ATP6V0D2: variants seen among roughly 807,000 people sequenced by gnomAD.
The protein encoded by ATP6V0D2 is ATPase H+ transporting V0 subunit d2.
In ATP6V0D2, 40 loss-of-function variants were observed where a neutral mutation model predicts 40.0. The ratio of observed to expected loss-of-function variants is 1.00; its 90% CI spans 0.78 to 1.30. The LOEUF (loss-of-function observed/expected upper bound fraction) is 1.30. ATP6V0D2 is among the 50% of genes most tolerant of loss of function. ATP6V0D2 has a pLI of 0.00. For synonymous variants in ATP6V0D2, 179 were observed against 156.3 expected (o/e 1.15, Z -1.08); for missense variants, 470 against 423.1 (o/e 1.11, Z -0.97).
intron 5 of ATP6V0D2, among the ~76,000 whole-genome samples, chr8:86,146,192 G>A (rs1222536901): frequency 5.9e-5 from 9 of 152,114 alleles, no homozygotes; most frequent in Admixed American, 5.9e-4. Flanking sequence ...AATAGGTAAG[G>A]TAAGAATTAC....
At chr8:86,131,504 T>C (rs1818825254) in intron 2 of ATP6V0D2, among the ~76,000 whole-genome samples, 1 of 151,894 alleles carries the variant, frequency 6.6e-6, no homozygotes, top group Non-Finnish European at 1.5e-5. Context: ...CAGCCATTTT[T>C]ATTTATTTAT....
chr8:86,120,401 A>G (rs1818653619), intron 2 of ATP6V0D2, among the ~76,000 whole-genome samples: 1 of 152,040 alleles, frequency 6.6e-6, no homozygotes, highest in Non-Finnish European at 1.5e-5. Context: ...CCTGTCTCAA[A>G]AAAAACCAAA....
At chr8:86,128,394 G>C (rs1818775262) in intron 2 of ATP6V0D2, among the ~76,000 whole-genome samples, 1 of 152,122 alleles carries the variant, frequency 6.6e-6, no homozygotes. Context: ...AAGGGATGTA[G>C]CTCCTGTGAT....
At chr8:86,105,628 T>C (rs1363683547) in intron 1 of ATP6V0D2, among the ~76,000 whole-genome samples, 1 of 145,686 alleles carries the variant, frequency 6.9e-6, no homozygotes, top group African/African-American at 2.5e-5. Flanking sequence ...TTTCTTTTTT[T>C]TTTTTTTTGA....
At chr8:86,150,932 A>T (rs1245065968) in intron 6 of ATP6V0D2, among the ~76,000 whole-genome samples, 1 of 152,216 alleles carries the variant, frequency 6.6e-6, no homozygotes, top group African/African-American at 2.4e-5. Flanking sequence ...AATGACACTC[A>T]TCTTTTCCTC....
intron 2 of ATP6V0D2, among the ~76,000 whole-genome samples, chr8:86,135,580 G>A (rs1818885772): frequency 6.6e-6 from 1 of 152,124 alleles, no homozygotes; most frequent in South Asian, 2.1e-4. Context: ...GAGTGAGAGT[G>A]TGCATATAAT....
At chr8:86,132,522 T>C (rs1306534209) in intron 2 of ATP6V0D2, among the ~76,000 whole-genome samples, 1 of 152,186 alleles carries the variant, frequency 6.6e-6, no homozygotes, top group East Asian at 1.9e-4. Flanking sequence ...GTCATTCTAC[T>C]CATTACCTTT....
chr8:86,099,846 T>C (rs1285358561), intron 1 of ATP6V0D2, among the ~76,000 whole-genome samples: 1 of 152,202 alleles, frequency 6.6e-6, no homozygotes, highest in Non-Finnish European at 1.5e-5. Flanking sequence ...AAATATTTGG[T>C]TTCCTTTATA....
intron 1 of ATP6V0D2, among the ~76,000 whole-genome samples, chr8:86,105,214 G>T (rs1187739415): frequency 6.6e-6 from 1 of 152,166 alleles, no homozygotes; most frequent in Non-Finnish European, 1.5e-5. Flanking sequence ...CATTTGCCTC[G>T]TTTGTCTATC....
chr8:86,113,214 C>T (rs1040235953), intron 1 of ATP6V0D2, among the ~76,000 whole-genome samples: 12 of 151,852 alleles, frequency 7.9e-5, no homozygotes, highest in South Asian at 2.1e-4. Context: ...CACAGTGGCT[C>T]CTGCCTGTAA....
chr8:86,117,648 A>G (rs916612115), intron 2 of ATP6V0D2, among the ~76,000 whole-genome samples: 3 of 152,244 alleles, frequency 2.0e-5, no homozygotes, highest in Admixed American at 2.0e-4. Context: ...ATTCACAAAT[A>G]TACATACAGC....
intron 7 of ATP6V0D2, among the ~76,000 whole-genome samples, chr8:86,151,751 C>CTTTTTTTTTTTTTTTTTTTTTT (rs1563568384): frequency 1.1e-5 from 1 of 89,052 alleles, no homozygotes. Context: ...TGTAGCTTTT[C>CTTTTTTTTTTTTTTTTTTTTTT]TTTCTTTTTT....
At chr8:86,100,496 T>C (rs1362689204) in intron 1 of ATP6V0D2, among the ~76,000 whole-genome samples, 2 of 152,172 alleles carry the variant, frequency 1.3e-5, no homozygotes, top group African/African-American at 4.8e-5. Flanking sequence ...GCCACTTGTT[T>C]ATAGTTCTGA....
At chr8:86,126,262 A>ATATATATATATATATTTTT (rs1191399026) in intron 2 of ATP6V0D2, among the ~76,000 whole-genome samples, 2 of 131,336 alleles carry the variant, frequency 1.5e-5, no homozygotes, top group Admixed American at 1.5e-4. Context: ...ATATATATAT[A>ATATATATATATATATTTTT]TCTTTTTGTA....
chr8:86,131,864 C>G (rs910718205), intron 2 of ATP6V0D2, among the ~76,000 whole-genome samples: 1 of 150,846 alleles, frequency 6.6e-6, no homozygotes, highest in African/African-American at 2.5e-5. Context: ...TAAAACCTAT[C>G]TTAGTGAATA....
intron 7 of ATP6V0D2, among the ~76,000 whole-genome samples, chr8:86,151,968 A>G (rs575228452): frequency 2.2e-4 from 34 of 152,068 alleles, no homozygotes; most frequent in Non-Finnish European, 4.1e-4. Flanking sequence ...ATACATGTGC[A>G]GAATGTGCAG....
intron 1 of ATP6V0D2, among the ~76,000 whole-genome samples, chr8:86,099,310 G>A (rs1818361701): frequency 6.6e-6 from 1 of 152,054 alleles, no homozygotes. Context: ...ATCTCTAAGT[G>A]AACTATAACA....
chr8:86,148,126 CTGAG>C (rs1012764280), intron 5 of ATP6V0D2, among the ~76,000 whole-genome samples: 2 of 152,174 alleles, frequency 1.3e-5, no homozygotes, highest in Non-Finnish European at 2.9e-5. Flanking sequence ...ATTTTAGAAT[CTGAG>C]AGCACATTAA....
At chr8:86,120,715 A>G (rs796964924) in intron 2 of ATP6V0D2, among the ~76,000 whole-genome samples, 8 of 152,300 alleles carry the variant, frequency 5.3e-5, no homozygotes, top group African/African-American at 1.9e-4. Flanking sequence ...CCTGCAAAAC[A>G]GGTGTTTATA....
Sources: gnomAD v4.1 joint callset for allele counts (sites outside exome capture counted in the v4.1 genomes callset) on GRCh38, gnomAD v4.1.1 for gene constraint, MANE v1.5 for transcripts, NCBI Gene and HGNC (gene_info 2026-07-23, HGNC 2026-07-21) for gene names.